TPO: variants seen among roughly 807,000 people sequenced by gnomAD.
The protein encoded by TPO is thyroid peroxidase.
In TPO, 78 loss-of-function variants were observed where a neutral mutation model predicts 96.9. The observed-to-expected ratio is 0.81, with a 90% CI of 0.67 to 0.97. The LOEUF (loss-of-function observed/expected upper bound fraction) is 0.97, where lower values mean the gene tolerates loss of function less well. TPO is among the 50% of genes least tolerant of loss of function. TPO has a pLI of 0.00. For missense variants in TPO, 1,252 were observed against 1,274.8 expected (o/e 0.98, Z 0.27); for synonymous variants, 547 against 538.0 (o/e 1.02, Z -0.23).
At chr2:1,540,567 C>A in intron 15 of TPO, 27 bp from the exon 16 acceptor site, 1 of 1,611,680 alleles carries the variant, frequency 6.2e-7, no homozygotes, top group African/African-American at 1.3e-5. Flanking sequence ...GACCCTCTCC[C>A]GATAACTGGA....
At chr2:1,393,159 A>C (rs1662029247) in intron 1 of TPO, among the ~76,000 whole-genome samples, 1 of 152,208 alleles carries the variant, frequency 6.6e-6, no homozygotes, top group Non-Finnish European at 1.5e-5. Flanking sequence ...GAAGCTTCCA[A>C]TTGTAGCGGA....
chr2:1,496,979 C>A (rs1406392660), intron 13 of TPO, among the ~76,000 whole-genome samples: 1 of 152,086 alleles, frequency 6.6e-6, no homozygotes, highest in African/African-American at 2.4e-5. Context: ...AGGACAGGCA[C>A]GTGGAATCGT....
At position 1,500,044 on chromosome 2, in the gene TPO, G is replaced by A. The variant is rs150356030; in HGVS notation, c.2386+3279G>A. Among the ~76,000 whole-genome samples the A allele has an allele frequency of 1.8e-4, 27 of 152,336 alleles. No homozygotes were observed. In the Middle Eastern group the frequency reaches 0.014, roughly 77 times the overall value. On this transcript the variant is annotated intron_variant, in intron 13 of 16. Coordinates refer to ENST00000329066, the MANE Select transcript of TPO (RefSeq NM_001206744.2). ...AATTACACTACACAGTTAGCAGGGCGTCTGTTGACTTGGAAGAGTGTTGGT... is the reference window on the plus strand; with the variant it reads ...AATTACACTACACAGTTAGCAGGGCATCTGTTGACTTGGAAGAGTGTTGGT...
chr2:1,451,645 T>C (rs1448497424), intron 5 of TPO, among the ~76,000 whole-genome samples: 1 of 152,210 alleles, frequency 6.6e-6, no homozygotes, highest in African/African-American at 2.4e-5. Context: ...TGCATGACTC[T>C]GCAGCTGCCA....
chr2:1,492,998 G>A (rs1009246121), intron 10 of TPO, among the ~76,000 whole-genome samples: 5 of 152,212 alleles, frequency 3.3e-5, no homozygotes, highest in East Asian at 3.9e-4. Flanking sequence ...GGAGGGGCAC[G>A]AGTGTCAGGC....
chr2:1,438,665 A>T, intron 5 of TPO: 1 of 569,060 alleles, frequency 1.8e-6, no homozygotes. Context: ...CTTAAAGCAA[A>T]TTGCAGTGGA....
upstream of TPO, among the ~76,000 whole-genome samples, chr2:1,410,068 A>G (rs1662306900): frequency 6.6e-6 from 1 of 152,102 alleles, no homozygotes; most frequent in South Asian, 2.1e-4. Flanking sequence ...CTGGGATCTA[A>G]TGTATAGCTT....
intron 7 of TPO, among the ~76,000 whole-genome samples, chr2:1,475,916 C>T (rs1477286723): frequency 3.3e-5 from 5 of 152,238 alleles, no homozygotes; most frequent in African/African-American, 1.2e-4. Context: ...TGCTTTGCTG[C>T]TTCACCACAA....
At chr2:1,375,335 C>A (rs1661707237) in intron 1 of TPO, among the ~76,000 whole-genome samples, 1 of 151,978 alleles carries the variant, frequency 6.6e-6, no homozygotes, top group Non-Finnish European at 1.5e-5. Context: ...CAAAAAGTGA[C>A]CGAAGCAGAT....
intron 5 of TPO, among the ~76,000 whole-genome samples, chr2:1,438,432 T>C (rs181559681): frequency 3.0e-4 from 46 of 152,150 alleles, no homozygotes; most frequent in Admixed American, 1.9e-3. Context: ...TGGAGCTCCT[T>C]GGGTTCTAGG....
intron 7 of TPO, among the ~76,000 whole-genome samples, chr2:1,470,018 G>A (rs1454221417): frequency 1.3e-5 from 2 of 152,172 alleles, no homozygotes; most frequent in Non-Finnish European, 2.9e-5. Context: ...TCCTCCTCAT[G>A]TTGGAATTTT....
At chr2:1,399,203 GC>G (rs540016580) in intron 1 of TPO, among the ~76,000 whole-genome samples, 3 of 152,102 alleles carry the variant, frequency 2.0e-5, no homozygotes, top group African/African-American at 4.8e-5. Flanking sequence ...GAAATGTCCA[GC>G]CCCCCCGAGG....
intron 5 of TPO, among the ~76,000 whole-genome samples, chr2:1,449,641 T>TA (rs766877525): frequency 7.1e-4 from 108 of 152,208 alleles, no homozygotes; most frequent in African/African-American, 2.0e-3. Flanking sequence ...CTTGAAGTGA[T>TA]AAAAAAACAG....
At chr2:1,414,014 T>C (rs1662616942) in intron 1 of TPO, among the ~76,000 whole-genome samples, 1 of 152,362 alleles carries the variant, frequency 6.6e-6, no homozygotes, top group Non-Finnish European at 1.5e-5. Flanking sequence ...AAATTTCTAA[T>C]AGTACTCACT....
chr2:1,480,821 C>CCTCCCTCCTCCTTCATCCGTCCAAACCAT (rs1670550067), intron 8 of TPO, among the ~76,000 whole-genome samples: 7 of 149,198 alleles, frequency 4.7e-5, no homozygotes, highest in Admixed American at 2.7e-4. Context: ...GTCCACACCA[C>CCTCCCTCCTCCTTCATCCGTCCAAACCAT]GTCCCTGCTG....
rs115149342 is a variant in TPO at position 1,434,607 on chromosome 2, C to T, written c.349+1000C>T. On this transcript the variant is annotated intron_variant, in intron 4 of 16. Transcript: ENST00000329066. Reference sequence around the variant, plus strand: ...CTCCTATGGAAATGGCAGTTCCTGACGTCAGAAGATGTGGGTCTTTCTGGT... The same window carrying T: ...CTCCTATGGAAATGGCAGTTCCTGATGTCAGAAGATGTGGGTCTTTCTGGT... Among the ~76,000 whole-genome samples, 880 of 152,256 alleles carry T rather than the reference C, an allele frequency of 5.8e-3. 11 individuals are homozygous for T. Among genetic ancestry groups the T allele is most frequent in the African/African-American group, 0.02 (839 of 41,546 alleles).
chr2:1,515,769 T>C (rs1242826912), intron 14 of TPO, among the ~76,000 whole-genome samples: 3 of 151,908 alleles, frequency 2.0e-5, no homozygotes, highest in Non-Finnish European at 4.4e-5. Context: ...GTGTGAGAAA[T>C]AGAACCAAAC....
At chr2:1,447,787 T>G (rs1666955196) in intron 5 of TPO, among the ~76,000 whole-genome samples, 1 of 152,138 alleles carries the variant, frequency 6.6e-6, no homozygotes, top group Non-Finnish European at 1.5e-5. Context: ...GAACCATCCT[T>G]TACCCAGTGA....
chr2:1,526,578 G>A (rs559789711), intron 15 of TPO, among the ~76,000 whole-genome samples: 5 of 107,454 alleles, frequency 4.7e-5, no homozygotes, highest in Admixed American at 1.0e-4. Context: ...CAAATCCCAC[G>A]CCACTGTGAG....
Sources: allele counts gnomAD v4.1 joint callset (sites outside exome capture counted in the v4.1 genomes callset), GRCh38; gene constraint gnomAD v4.1.1; transcripts MANE v1.5; gene names NCBI Gene and HGNC (gene_info 2026-07-23, HGNC 2026-07-21).